Variants in RBPMS observed in about 807,000 individuals in gnomAD.
RBPMS encodes the protein RNA binding protein, mRNA processing factor.
In RBPMS, 7 loss-of-function variants were observed where a neutral mutation model predicts 26.8. That is an observed-to-expected ratio of 0.26 (90% confidence interval 0.15 to 0.49). The LOEUF (loss-of-function observed/expected upper bound fraction) is 0.49, where lower values mean the gene tolerates loss of function less well. Among genes scored for constraint, RBPMS ranks in the 20% least tolerant of loss-of-function variants. The pLI is 0.98. For synonymous variants in RBPMS, 96 were observed against 93.3 expected (o/e 1.03, Z -0.17); for missense variants, 186 against 250.0 (o/e 0.74, Z 1.73).
intron 1 of RBPMS, among the ~76,000 whole-genome samples, chr8:30,390,191 T>C (rs1486777489): frequency 6.6e-6 from 1 of 152,224 alleles, no homozygotes. Context: ...ACAAAAAGAA[T>C]TAAATGTCTT....
At chr8:30,556,557 G>C in intron 6 of RBPMS, 1 of 986,628 alleles carries the variant, frequency 1.0e-6, no homozygotes, top group Non-Finnish European at 1.2e-6. Context: ...GCCTCGTCGG[G>C]GCTCAGCGCC....
chr8:30,411,501 C>T (rs1030162342), intron 1 of RBPMS, among the ~76,000 whole-genome samples: 3 of 151,474 alleles, frequency 2.0e-5, no homozygotes, highest in African/African-American at 7.3e-5. Context: ...CCCATCTCTA[C>T]AAAAAATTTA....
In RBPMS at chr8:30,571,237, T is replaced by G. The variant is rs565759237; in HGVS notation, c.*712T>G. 2 of 152,282 alleles carry G rather than the reference T, an allele frequency of 1.3e-5. No individual in the cohort carries two copies. The highest frequency in any genetic ancestry group is 4.1e-4 in the South Asian group (2 of 4,830). 9.4% of individuals were successfully genotyped at this position (152,282 alleles called of 1,614,324 possible). ...CTTCTACCTATGGCTTATTCACAACTGGGCAAGAAAACATCATTGGTAAGA... is the reference window on the plus strand; with the variant it reads ...CTTCTACCTATGGCTTATTCACAACGGGGCAAGAAAACATCATTGGTAAGA... On this transcript the variant is annotated 3_prime_UTR_variant, in exon 9 of 9. Transcript: ENST00000397323.
chr8:30,532,130 T>A (rs959785274), intron 5 of RBPMS, among the ~76,000 whole-genome samples: 1 of 152,212 alleles, frequency 6.6e-6, no homozygotes, highest in Non-Finnish European at 1.5e-5. Context: ...AAGCTCTATC[T>A]TCTAGTGATC....
intron 1 of RBPMS, among the ~76,000 whole-genome samples, chr8:30,421,220 C>G (rs1160523449): frequency 2.0e-5 from 3 of 151,962 alleles, no homozygotes; most frequent in Non-Finnish European, 2.9e-5. Context: ...GCAGAACCTT[C>G]TGGTTAGCAA....
At position 30,432,724 on chromosome 8, in the gene RBPMS, T is replaced by A. The variant is rs16876960; in HGVS notation, c.67-42055T>A. ...TGGTGTAATGAAACCAAATAAAGTT[T>A]CTGGCTCATTCATAACTGTGCAGTA... On this transcript the variant is annotated intron_variant, in intron 1 of 8. Coordinates refer to ENST00000397323, the MANE Select transcript of RBPMS (RefSeq NM_001008710.3). Among the ~76,000 whole-genome samples, 1,436 of 152,338 alleles carry A rather than the reference T, an allele frequency of 9.4e-3. 88 individuals carry two copies. Among genetic ancestry groups the A allele is most frequent in the Admixed American group, 0.077 (1,172 of 15,288 alleles).
chr8:30,391,559 A>G (rs1442973260), intron 1 of RBPMS, among the ~76,000 whole-genome samples: 1 of 152,196 alleles, frequency 6.6e-6, no homozygotes, highest in Admixed American at 6.5e-5. Context: ...ATCTGGGACC[A>G]GGTATTTAAA....
At chr8:30,539,221 A>G (rs1350518137) in intron 5 of RBPMS, among the ~76,000 whole-genome samples, 1 of 152,178 alleles carries the variant, frequency 6.6e-6, no homozygotes, top group Admixed American at 6.5e-5. Flanking sequence ...TTCTTCATCT[A>G]CGAGGCAAGC....
chr8:30,502,824 T>C (rs554734784), intron 4 of RBPMS, among the ~76,000 whole-genome samples: 1 of 152,354 alleles, frequency 6.6e-6, no homozygotes, highest in South Asian at 2.1e-4. Flanking sequence ...TGTTTTTCCT[T>C]ATATACTTTT....
Position 30,384,844 on chromosome 8 carries a change from G to A in RBPMS, c.-249G>A. The A allele has an allele frequency of 3.1e-6, 1 of 325,652 alleles. No homozygotes were observed. Among genetic ancestry groups the A allele is most frequent in the Non-Finnish European group, 5.5e-6 (1 of 180,372 alleles). The allele number at this position is 325,652 out of a possible 1,614,324, so 20.2% of individuals were successfully genotyped here. ...CGATTGTCTCGGTGCCCCGCTCCCG[G>A]CCCGCGCCCTGCCCCGTCTCTCCCT... On this transcript the variant is annotated 5_prime_UTR_variant, in exon 1 of 9. Transcript: ENST00000397323. This position sits in a 1 kb window ranked among gnomAD's most constrained non-coding sequence, Gnocchi z 5.6.
intron 3 of RBPMS, 102 bp downstream of exon 3, chr8:30,477,939 G>GT (rs1328399657): frequency 8.8e-6 from 7 of 796,630 alleles, no homozygotes; most frequent in Admixed American, 2.5e-5. Flanking sequence ...AATTTGAGGG[G>GT]TTTTTTGTCT....
intron 1 of RBPMS, among the ~76,000 whole-genome samples, chr8:30,465,183 T>C (rs904486604): frequency 1.3e-5 from 2 of 152,208 alleles, no homozygotes; most frequent in Non-Finnish European, 2.9e-5. Flanking sequence ...ATGTTTCTTA[T>C]TTGACAGCAT....
intron 4 of RBPMS, among the ~76,000 whole-genome samples, chr8:30,486,984 C>G (rs1818860024): frequency 6.6e-6 from 1 of 152,158 alleles, no homozygotes; most frequent in African/African-American, 2.4e-5. Context: ...CATGGTTTTT[C>G]AGACATTTCA....
chr8:30,519,547 G>T (rs373894759), intron 5 of RBPMS, among the ~76,000 whole-genome samples: 2 of 134,298 alleles, frequency 1.5e-5, no homozygotes, highest in Non-Finnish European at 3.1e-5. Flanking sequence ...GCAGTGGTGC[G>T]ATCTCGGCTC....
intron 1 of RBPMS, among the ~76,000 whole-genome samples, chr8:30,411,315 T>C (rs1809366212): frequency 6.6e-6 from 1 of 152,084 alleles, no homozygotes. Context: ...GGAGATTCTG[T>C]GGGAGACAGA....
chr8:30,556,188 A>T (rs747190284), intron 6 of RBPMS: 5 of 985,364 alleles, frequency 5.1e-6, no homozygotes, highest in Non-Finnish European at 6.0e-6. Flanking sequence ...GCCACCCGCC[A>T]CCACATCCAC....
At chr8:30,432,318 G>A (rs1292166002) in intron 1 of RBPMS, among the ~76,000 whole-genome samples, 1 of 152,170 alleles carries the variant, frequency 6.6e-6, no homozygotes, top group East Asian at 1.9e-4. Flanking sequence ...TTAGATGGAA[G>A]ACTGCAGACA....
chr8:30,548,304 T>C (rs1826024476), intron 6 of RBPMS, among the ~76,000 whole-genome samples: 1 of 152,122 alleles, frequency 6.6e-6, no homozygotes, highest in Non-Finnish European at 1.5e-5. Flanking sequence ...CTGCTTTCAG[T>C]CTTGTTGTGA....
chr8:30,545,061 G>A (rs1825762235), intron 6 of RBPMS: 1 of 1,388,618 alleles, frequency 7.2e-7, no homozygotes, highest in Non-Finnish European at 9.4e-7. Flanking sequence ...CTCGTGTACG[G>A]TGAGAAGAAT....
Sources: allele counts gnomAD v4.1 joint callset (sites outside exome capture counted in the v4.1 genomes callset), GRCh38; gene constraint gnomAD v4.1.1; non-coding constraint Gnocchi (gnomAD v3.1); transcripts MANE v1.5; gene names NCBI Gene and HGNC (gene_info 2026-07-23, HGNC 2026-07-21).